The following SRGAP2C variants were observed in gnomAD, a reference collection of about 807,000 sequenced individuals.
The protein encoded by SRGAP2C is SLIT-ROBO Rho GTPase activating protein 2C.
A neutral mutation model predicts 25.1 loss-of-function variants in SRGAP2C; 15 were observed. That is an observed-to-expected ratio of 0.60 (90% CI 0.40 to 0.92). The LOEUF (loss-of-function observed/expected upper bound fraction) is 0.92. Ranked by LOEUF, SRGAP2C falls within the 40% of genes least tolerant of loss-of-function variation. The pLI is 0.00. For missense variants in SRGAP2C, 144 were observed against 264.4 expected, an observed-to-expected ratio of 0.54 and a Z score of 3.16; for synonymous variants, 44 against 96.6, an observed-to-expected ratio of 0.46 and a Z score of 3.19.
intron 4 of SRGAP2C, among the ~76,000 whole-genome samples, chr1:121,339,152 A>T (rs1658590181): frequency 1.3e-5 from 2 of 150,918 alleles, no homozygotes; most frequent in Non-Finnish European, 1.5e-5. Context: ...ATGTCATTGC[A>T]TCTTCTTTTA....
chr1:121,294,640 G>A (rs1657559491), intron 3 of SRGAP2C, among the ~76,000 whole-genome samples: 1 of 93,904 alleles, frequency 1.1e-5, no homozygotes, highest in Non-Finnish European at 2.3e-5. Context: ...TTCAGTCATA[G>A]CTCACTTGGT....
intron 1 of SRGAP2C, among the ~76,000 whole-genome samples, chr1:121,186,701 A>G (rs1654511165): frequency 6.8e-6 from 1 of 146,320 alleles, no homozygotes; most frequent in Non-Finnish European, 1.5e-5. Context: ...CGGCTGCTCC[A>G]AAGTGTTTTC....
At chr1:121,337,634 A>AAGAT (rs1658546349) in intron 4 of SRGAP2C, among the ~76,000 whole-genome samples, 1 of 143,212 alleles carries the variant, frequency 7.0e-6, no homozygotes. Context: ...TCCGACTCAA[A>AAGAT]AAATAAATAA....
At chr1:121,268,331 G>C (rs1256514004) in intron 2 of SRGAP2C, among the ~76,000 whole-genome samples, 3 of 150,962 alleles carry the variant, frequency 2.0e-5, no homozygotes, top group Admixed American at 6.6e-5. Context: ...GTGGGTGTTT[G>C]CTTGCCATGT....
intron 2 of SRGAP2C, among the ~76,000 whole-genome samples, chr1:121,268,352 G>A (rs587771219): frequency 6.6e-6 from 1 of 151,606 alleles, no homozygotes; most frequent in Non-Finnish European, 1.5e-5. Context: ...TCTATGACCA[G>A]AGAGGCCAGT....
intron 2 of SRGAP2C, among the ~76,000 whole-genome samples, chr1:121,263,770 T>G (rs1656692225): frequency 6.6e-6 from 1 of 151,450 alleles, no homozygotes; most frequent in Non-Finnish European, 1.5e-5. Flanking sequence ...ATTTTGTTCC[T>G]GCCTCAAGCA....
intron 2 of SRGAP2C, among the ~76,000 whole-genome samples, chr1:121,237,350 G>A (rs1655984308): frequency 6.6e-6 from 1 of 151,864 alleles, no homozygotes; most frequent in Non-Finnish European, 1.5e-5. Flanking sequence ...ATTAATCCCG[G>A]ATCTAGCTGT....
chr1:121,274,869 TG>T (rs1657064290), intron 2 of SRGAP2C, among the ~76,000 whole-genome samples: 1 of 121,228 alleles, frequency 8.2e-6, no homozygotes, highest in Non-Finnish European at 1.7e-5. Flanking sequence ...GGACCCTCTC[TG>T]CTGGCCCTGG....
intron 2 of SRGAP2C, among the ~76,000 whole-genome samples, chr1:121,221,809 G>A (rs1655531203): frequency 6.8e-6 from 1 of 146,948 alleles, no homozygotes; most frequent in South Asian, 2.1e-4. Flanking sequence ...TCTAGACTAG[G>A]GAGAGAATTT....
intron 3 of SRGAP2C, among the ~76,000 whole-genome samples, chr1:121,287,887 G>C (rs1214623154): frequency 6.6e-6 from 1 of 152,010 alleles, no homozygotes; most frequent in African/African-American, 2.4e-5. Flanking sequence ...CATTCCTCCC[G>C]GTGGGCTTGT....
chr1:121,356,870 G>A (rs1283840990), intron 4 of SRGAP2C, among the ~76,000 whole-genome samples: 1 of 151,518 alleles, frequency 6.6e-6, no homozygotes, highest in Non-Finnish European at 1.5e-5. Context: ...CTTAGTATTA[G>A]GATAGGTCAT....
intron 2 of SRGAP2C, among the ~76,000 whole-genome samples, chr1:121,260,404 C>T (rs1185854051): frequency 6.6e-6 from 1 of 151,778 alleles, no homozygotes; most frequent in Non-Finnish European, 1.5e-5. Context: ...AAGCAGAGTG[C>T]TCTGGTGGGA....
chr1:121,380,607 GTTA>G (rs1659790777), intron 7 of SRGAP2C, among the ~76,000 whole-genome samples: 1 of 149,896 alleles, frequency 6.7e-6, no homozygotes, highest in Admixed American at 6.6e-5. Flanking sequence ...CCTCATTGGG[GTTA>G]TTATGAGGAT....
intron 2 of SRGAP2C, among the ~76,000 whole-genome samples, chr1:121,232,958 A>G (rs1291257727): frequency 5.2e-5 from 7 of 135,176 alleles, no homozygotes; most frequent in African/African-American, 2.0e-4. Context: ...AAGCTGGGCT[A>G]GTGGAGTTTC....
intron 4 of SRGAP2C, among the ~76,000 whole-genome samples, chr1:121,357,376 G>T (rs1659087686): frequency 7.3e-6 from 1 of 137,434 alleles, no homozygotes; most frequent in African/African-American, 2.8e-5. Flanking sequence ...TATCCTAGTT[G>T]TACAGCCAAG....
intron 2 of SRGAP2C, among the ~76,000 whole-genome samples, chr1:121,187,929 C>A (rs1295007492): frequency 1.3e-5 from 2 of 152,032 alleles, no homozygotes; most frequent in African/African-American, 4.8e-5. Context: ...GACAGAAAGG[C>A]AACCTTGGGA....
intron 2 of SRGAP2C, among the ~76,000 whole-genome samples, chr1:121,198,191 C>T (rs1271696373): frequency 7.9e-5 from 9 of 114,292 alleles, no homozygotes; most frequent in Middle Eastern, 4.7e-3. Flanking sequence ...AATATGTATT[C>T]GTGAGGAAGG....
chr1:121,303,519 C>G (rs1483682935), intron 3 of SRGAP2C, among the ~76,000 whole-genome samples: 27 of 151,828 alleles, frequency 1.8e-4, no homozygotes, highest in African/African-American at 5.6e-4. Context: ...GTGGAGTTGA[C>G]CATTTTTTCA....
rs587632691 is a variant in SRGAP2C, at chr1:121,199,454, AG to A, written c.67+11943del. Among the ~76,000 whole-genome samples the A allele has an allele frequency of 4.7e-4, 38 of 81,106 alleles. 1 individual carries two copies. In the South Asian group the frequency reaches 0.012, roughly 27 times the overall value. The allele number at this position is 81,106 out of a possible 152,430, so 53.2% of individuals were successfully genotyped here. A position where few individuals can be genotyped will look rare whatever the true frequency, so the allele number is the denominator to read the frequency against. ...GGGGTTAAACATTAGAAACTTTCTA[AG>A]GTCCTTCCAGCTTTCAGGGTTCATG... On this transcript the variant is annotated intron_variant, in intron 2 of 9. Transcript: ENST00000367123.
Sources: allele counts gnomAD v4.1 joint callset (sites outside exome capture counted in the v4.1 genomes callset), GRCh38; gene constraint gnomAD v4.1.1; transcripts MANE v1.5; gene names NCBI Gene and HGNC (gene_info 2026-07-23, HGNC 2026-07-21).